SDK1: variants seen among roughly 807,000 people sequenced by gnomAD.
SDK1 encodes sidekick cell adhesion molecule 1.
SDK1 carries 157 observed loss-of-function variants against 245.5 expected under a neutral mutation model. That is an observed-to-expected ratio of 0.64 (90% CI 0.56 to 0.73). The LOEUF (loss-of-function observed/expected upper bound fraction) is 0.73. SDK1 is among the 30% of genes least tolerant of loss of function. The pLI is 0.00. For missense variants in SDK1, 3,583 were observed against 3,002.3 expected, an observed-to-expected ratio of 1.19 and a Z score of -4.52; for synonymous variants, 1,647 against 1,278.5, an observed-to-expected ratio of 1.29 and a Z score of -6.15.
chr7:4,001,886 G>T (rs1785104262), intron 14 of SDK1, among the ~76,000 whole-genome samples: 1 of 152,124 alleles, frequency 6.6e-6, no homozygotes, highest in Admixed American at 6.5e-5. Flanking sequence ...CTCTTCCAGG[G>T]TTGCCACCAC....
intron 35 of SDK1, among the ~76,000 whole-genome samples, chr7:4,197,857 CCTTTGTCATAGACGA>C (rs1783674042): frequency 6.6e-6 from 1 of 152,198 alleles, no homozygotes; most frequent in African/African-American, 2.4e-5. Context: ...GCGGTGGTCT[CCTTTGTCATAGACGA>C]CAGATGCTTG....
chr7:3,393,710 A>G (rs1233741532), intron 1 of SDK1, among the ~76,000 whole-genome samples: 1 of 151,912 alleles, frequency 6.6e-6, no homozygotes. Context: ...AATTATTTCA[A>G]TCTCTGTTAA....
intron 25 of SDK1, 148 bp from the exon 26 acceptor site, chr7:4,127,233 T>C (rs2128196807): frequency 1.5e-6 from 1 of 646,892 alleles, no homozygotes; most frequent in East Asian, 2.6e-5. Context: ...ATGTCCGTTA[T>C]ACTCCTGTAG....
intron 17 of SDK1, among the ~76,000 whole-genome samples, chr7:4,032,237 T>C (rs1787873408): frequency 2.0e-5 from 3 of 152,226 alleles, no homozygotes; most frequent in South Asian, 2.1e-4. Context: ...GTAGATCATA[T>C]TCAAGTGGGA....
chr7:3,628,012 G>A (rs1782172865), intron 2 of SDK1, among the ~76,000 whole-genome samples: 1 of 152,070 alleles, frequency 6.6e-6, no homozygotes, highest in South Asian at 2.1e-4. Flanking sequence ...CCTATTCAAA[G>A]TTAAGGACCA....
intron 35 of SDK1, among the ~76,000 whole-genome samples, chr7:4,181,278 T>G (rs557487848): frequency 4.6e-5 from 7 of 152,364 alleles, no homozygotes; most frequent in Admixed American, 4.6e-4. Flanking sequence ...CGGAATTGCC[T>G]TCCTTTTCAT....
chr7:3,521,118 A>T (rs950928305), intron 1 of SDK1, among the ~76,000 whole-genome samples: 1 of 152,178 alleles, frequency 6.6e-6, no homozygotes, highest in African/African-American at 2.4e-5. Flanking sequence ...ATCTTCTGCC[A>T]GCTCTTGGCC....
chr7:3,462,062 G>A (rs1045356328), intron 1 of SDK1, among the ~76,000 whole-genome samples: 2 of 152,052 alleles, frequency 1.3e-5, no homozygotes, highest in Admixed American at 6.6e-5. Flanking sequence ...CAAAGCTCCC[G>A]GAAAGAGTTG....
intron 22 of SDK1, among the ~76,000 whole-genome samples, chr7:4,103,622 A>G (rs573628565): frequency 6.6e-6 from 1 of 152,316 alleles, no homozygotes; most frequent in African/African-American, 2.4e-5. Flanking sequence ...ACTGATTTTT[A>G]AATCATTCGC....
intron 4 of SDK1, among the ~76,000 whole-genome samples, chr7:3,697,636 C>T (rs763725237): frequency 4.6e-5 from 7 of 152,132 alleles, no homozygotes; most frequent in Non-Finnish European, 7.3e-5. Flanking sequence ...TTGCCTTAAG[C>T]AAGATGTGCA....
At chr7:3,733,177 A>T (rs1170703001) in intron 4 of SDK1, among the ~76,000 whole-genome samples, 2 of 152,176 alleles carry the variant, frequency 1.3e-5, no homozygotes, top group African/African-American at 4.8e-5. Context: ...GCAATGTCTT[A>T]AGTCTTTAAA....
intron 1 of SDK1, among the ~76,000 whole-genome samples, chr7:3,336,147 G>C (rs933776770): frequency 6.6e-6 from 1 of 152,198 alleles, no homozygotes; most frequent in Non-Finnish European, 1.5e-5. Flanking sequence ...CAGAGCTTTT[G>C]TCAGTACTCA....
At chr7:3,825,781 C>T (rs1779759875) in intron 5 of SDK1, among the ~76,000 whole-genome samples, 1 of 152,132 alleles carries the variant, frequency 6.6e-6, no homozygotes, top group Admixed American at 6.5e-5. Context: ...TGCCCAGGTA[C>T]AACTCTCTCC....
intron 5 of SDK1, among the ~76,000 whole-genome samples, chr7:3,843,708 C>T (rs1208734621): frequency 6.6e-6 from 1 of 152,194 alleles, no homozygotes; most frequent in East Asian, 1.9e-4. Context: ...TCATAGGAAA[C>T]TCGCCTGACG....
chr7:3,386,795 G>GT (rs1781620466), intron 1 of SDK1, among the ~76,000 whole-genome samples: 1 of 152,148 alleles, frequency 6.6e-6, no homozygotes, highest in Admixed American at 6.5e-5. Context: ...CTATCACCAT[G>GT]TTTATCTTTT....
chr7:4,052,753 T>G (rs1484140985), intron 19 of SDK1, among the ~76,000 whole-genome samples: 2 of 152,154 alleles, frequency 1.3e-5, no homozygotes, highest in African/African-American at 4.8e-5. Flanking sequence ...CATTTTCTAG[T>G]TTCTACCACG....
Position 3,634,461 on chromosome 7 carries a change from T to C in SDK1, c.459-4543T>C, listed in dbSNP as rs575868450. 2.6e-5 allele frequency among the ~76,000 whole-genome samples: 4 copies of C among 152,374 alleles called. No homozygotes were observed. The East Asian group carries it at 7.7e-4, about 29-fold the overall frequency. On this transcript the variant is annotated intron_variant, in intron 2 of 44. Coordinates refer to ENST00000404826, the MANE Select transcript of SDK1 (RefSeq NM_152744.4). ...TTCTTTGCCATTCCTGATAATGAAC[T>C]GGTCCTGGAAAACACTGTGTTAGTT...
At chr7:4,225,891 G>GCAGGT (rs1785415277) in intron 40 of SDK1, among the ~76,000 whole-genome samples, 1 of 152,126 alleles carries the variant, frequency 6.6e-6, no homozygotes, top group Non-Finnish European at 1.5e-5. Context: ...ACATTCAAAA[G>GCAGGT]CAGGTCGCCA....
chr7:3,555,994 G>A (rs1414847496), intron 1 of SDK1, among the ~76,000 whole-genome samples: 1 of 152,154 alleles, frequency 6.6e-6, no homozygotes, highest in Non-Finnish European at 1.5e-5. Context: ...AAACCACCAT[G>A]GAGAGCAGTT....
Sources: allele counts gnomAD v4.1 joint callset (sites outside exome capture counted in the v4.1 genomes callset), GRCh38; gene constraint gnomAD v4.1.1; transcripts MANE v1.5; gene names NCBI Gene and HGNC (gene_info 2026-07-23, HGNC 2026-07-21).